Variants in XKR6 observed in about 807,000 individuals in gnomAD.
XKR6 encodes XK related 6.
XKR6 carries 22 observed loss-of-function variants against 56.7 expected under a neutral mutation model. The ratio of observed to expected loss-of-function variants is 0.39; its 90% CI spans 0.28 to 0.55. XKR6 has a LOEUF of 0.55. Among genes scored for constraint, XKR6 ranks in the 20% least tolerant of loss-of-function variants. The pLI is 0.66. For synonymous variants in XKR6, 524 were observed against 387.8 expected, an observed-to-expected ratio of 1.35 and a Z score of -4.13; for missense variants, 852 against 889.0, an observed-to-expected ratio of 0.96 and a Z score of 0.53.
chr8:11,189,781 G>C (rs1053222543), intron 1 of XKR6, among the ~76,000 whole-genome samples: 5 of 152,166 alleles, frequency 3.3e-5, no homozygotes, highest in African/African-American at 1.2e-4. Flanking sequence ...GCCCATCCCA[G>C]ATCTCTTGGA....
chr8:11,173,943 TG>T (rs1270139216), intron 1 of XKR6, among the ~76,000 whole-genome samples: 1 of 152,210 alleles, frequency 6.6e-6, no homozygotes, highest in Non-Finnish European at 1.5e-5. Context: ...TTACTGCTGA[TG>T]GGGTTACCCT....
At chr8:11,161,911 T>C (rs553030049) in intron 1 of XKR6, among the ~76,000 whole-genome samples, 1 of 152,266 alleles carries the variant, frequency 6.6e-6, no homozygotes, top group African/African-American at 2.4e-5. Context: ...TTTTACTTAC[T>C]TACCCAGGTT....
intron 1 of XKR6, among the ~76,000 whole-genome samples, chr8:10,955,023 C>A (rs1043381821): frequency 3.3e-5 from 5 of 152,022 alleles, no homozygotes; most frequent in Admixed American, 6.6e-5. Flanking sequence ...CATGTGCCAC[C>A]ATGCCCAGCT....
chr8:11,004,182 G>C (rs1563340224), intron 1 of XKR6, among the ~76,000 whole-genome samples: 1 of 149,794 alleles, frequency 6.7e-6, no homozygotes, highest in Non-Finnish European at 1.5e-5. Flanking sequence ...ATGTTAAAAA[G>C]CTCCTGTGGG....
chr8:11,115,717 A>T lies in XKR6; in HGVS notation c.764+84859T>A, dbSNP rs375423461. ...TTAACCCATTTCTGCCTAGGGTCCCATTACTGCAACGCTAAGCTTGTGGGA... is the reference window on the plus strand; with the variant it reads ...TTAACCCATTTCTGCCTAGGGTCCCTTTACTGCAACGCTAAGCTTGTGGGA... On this transcript the variant is annotated intron_variant, in intron 1 of 2. Transcript: ENST00000416569. Among the ~76,000 whole-genome samples, 57 of 152,308 alleles carry T rather than the reference A, an allele frequency of 3.7e-4. 1 individual carries two copies. Among genetic ancestry groups the T allele is most frequent in the African/African-American group, 1.3e-3 (55 of 41,556 alleles).
At chr8:10,956,496 G>C (rs1252735365) in intron 1 of XKR6, among the ~76,000 whole-genome samples, 1 of 152,192 alleles carries the variant, frequency 6.6e-6, no homozygotes, top group Non-Finnish European at 1.5e-5. Flanking sequence ...AGAGGATGAA[G>C]GGCCCAGGCC....
At chr8:11,027,177 G>T (rs552566355) in intron 1 of XKR6, among the ~76,000 whole-genome samples, 1 of 152,290 alleles carries the variant, frequency 6.6e-6, no homozygotes, top group South Asian at 2.1e-4. Context: ...GTAACACAGT[G>T]GTAAGTATTT....
intron 1 of XKR6, among the ~76,000 whole-genome samples, chr8:11,047,398 T>A (rs1799437157): frequency 6.6e-6 from 1 of 152,258 alleles, no homozygotes; most frequent in Non-Finnish European, 1.5e-5. Flanking sequence ...ACCATGTGGC[T>A]TTCATGGGCT....
At chr8:10,900,019 C>T (rs1020629743) in intron 2 of XKR6, among the ~76,000 whole-genome samples, 1 of 152,190 alleles carries the variant, frequency 6.6e-6, no homozygotes, top group African/African-American at 2.4e-5. Context: ...CCCAACTCCC[C>T]GTGCATCAGT....
intron 1 of XKR6, among the ~76,000 whole-genome samples, chr8:11,099,834 G>C (rs1160293604): frequency 6.6e-6 from 1 of 152,156 alleles, no homozygotes; most frequent in Admixed American, 6.5e-5. Context: ...GGAGACCATG[G>C]CAGAGGTGCC....
At position 10,994,862 on chromosome 8, in the gene XKR6, A is replaced by G. The variant is rs187141099; in HGVS notation, c.765-70032T>C. ...GGCCTCCCCCTAAATTTTAGCCCAGAAAAAGGACAGCAGTGGGTGGGACAG... is the reference window on the plus strand; with the variant it reads ...GGCCTCCCCCTAAATTTTAGCCCAGGAAAAGGACAGCAGTGGGTGGGACAG... On this transcript the variant is annotated intron_variant, in intron 1 of 2. Coordinates refer to ENST00000416569, the MANE Select transcript of XKR6 (RefSeq NM_173683.4). Among the ~76,000 whole-genome samples the G allele has an allele frequency of 4.4e-3, 663 of 152,304 alleles. 3 individuals are homozygous for G. The highest frequency in any genetic ancestry group is 0.015 in the African/African-American group (621 of 41,566).
intron 1 of XKR6, among the ~76,000 whole-genome samples, chr8:11,002,815 C>T (rs1798274212): frequency 6.6e-6 from 1 of 152,218 alleles, no homozygotes; most frequent in African/African-American, 2.4e-5. Flanking sequence ...CACAGTCTCC[C>T]TCCTCAGGTG....
At chr8:11,114,918 A>G (rs1799097747) in intron 1 of XKR6, among the ~76,000 whole-genome samples, 1 of 152,164 alleles carries the variant, frequency 6.6e-6, no homozygotes, top group Admixed American at 6.5e-5. Context: ...CTCTAACCAA[A>G]ATAAGGCACT....
intron 1 of XKR6, among the ~76,000 whole-genome samples, chr8:10,985,020 A>G (rs904655125): frequency 6.6e-6 from 1 of 151,610 alleles, no homozygotes; most frequent in African/African-American, 2.4e-5. Flanking sequence ...GCTCACAGTA[A>G]CCTCCACCTC....
At chr8:10,965,078 G>C (rs112540043) in intron 1 of XKR6, among the ~76,000 whole-genome samples, 3,678 of 152,314 alleles carry the variant, frequency 0.024, 84 homozygotes, top group African/African-American at 0.066. Context: ...CTGCTTGTTG[G>C]GCTCTCAGCT....
At chr8:10,982,907 C>T (rs1472387049) in intron 1 of XKR6, among the ~76,000 whole-genome samples, 1 of 152,226 alleles carries the variant, frequency 6.6e-6, no homozygotes, top group Non-Finnish European at 1.5e-5. Flanking sequence ...GCTGGCTCCA[C>T]TGGGACCCCA....
chr8:10,963,136 A>G (rs1026610802), intron 1 of XKR6, among the ~76,000 whole-genome samples: 1 of 152,210 alleles, frequency 6.6e-6, no homozygotes, highest in African/African-American at 2.4e-5. Flanking sequence ...CAGCCAGTTC[A>G]GAGTCCAAGC....
Position 11,151,530 on chromosome 8 carries a change from T to C in XKR6, c.764+49046A>G, listed in dbSNP as rs535579591. On this transcript the variant is annotated intron_variant, in intron 1 of 2. Coordinates refer to ENST00000416569, the MANE Select transcript of XKR6 (RefSeq NM_173683.4). ...AACAGATGTAATATAATTCTACCCA[T>C]GTGAACAAGATGTGACATTTCCCTA... Among the ~76,000 whole-genome samples, 11 of 152,274 alleles carry C rather than the reference T, an allele frequency of 7.2e-5. No homozygotes were observed. In the East Asian group the frequency reaches 1.9e-3, roughly 27 times the overall value.
At chr8:11,048,541 C>T (rs1799466134) in intron 1 of XKR6, among the ~76,000 whole-genome samples, 1 of 152,178 alleles carries the variant, frequency 6.6e-6, no homozygotes, top group Non-Finnish European at 1.5e-5. Flanking sequence ...CTGGGACCAA[C>T]TCCTACGTGT....
Sources: allele counts gnomAD v4.1 joint callset (sites outside exome capture counted in the v4.1 genomes callset), GRCh38; gene constraint gnomAD v4.1.1; transcripts MANE v1.5; gene names NCBI Gene and HGNC (gene_info 2026-07-23, HGNC 2026-07-21).